Variants in CLXN observed in about 807,000 individuals in gnomAD.
CLXN encodes EF-hand calcium binding domain 1.
the CLXN span, chr8:48,730,687 AAC>A: frequency 2.6e-6 from 3 of 1,132,272 alleles, no homozygotes; most frequent in South Asian, 4.2e-5. Context: ...CCTGCATAAT[AAC>A]TCTCAGTAAA....
At chr8:48,720,682 T>C in the CLXN span, among the ~76,000 whole-genome samples, 2 of 152,180 alleles carry the variant, frequency 1.3e-5, no homozygotes, top group African/African-American at 2.4e-5. Flanking sequence ...AAGCAGGTGA[T>C]CTTTGTTAGA....
the CLXN span, among the ~76,000 whole-genome samples, chr8:48,728,362 T>C: frequency 3.9e-5 from 6 of 152,340 alleles, no homozygotes; most frequent in East Asian, 1.2e-3. Context: ...CTGACCTGGC[T>C]ATTTTGTCCT....
At chr8:48,718,160 T>G in the CLXN span, among the ~76,000 whole-genome samples, 1 of 152,096 alleles carries the variant, frequency 6.6e-6, no homozygotes, top group Non-Finnish European at 1.5e-5. Context: ...ATGCAAATGG[T>G]AACCAAAAGA....
At chr8:48,717,325 A>G in the CLXN span, among the ~76,000 whole-genome samples, 1 of 152,224 alleles carries the variant, frequency 6.6e-6, no homozygotes, top group Admixed American at 6.5e-5. Context: ...GGATAAGACT[A>G]TCAGTGGATT....
the CLXN span, among the ~76,000 whole-genome samples, chr8:48,731,065 A>G: frequency 6.6e-6 from 1 of 152,150 alleles, no homozygotes; most frequent in Non-Finnish European, 1.5e-5. Flanking sequence ...TTTTAAAACT[A>G]TTCTATTTAT....
chr8:48,720,565 G>A, the CLXN span, among the ~76,000 whole-genome samples: 8 of 152,226 alleles, frequency 5.3e-5, no homozygotes, highest in South Asian at 2.1e-4. Context: ...CTCTGCTCTC[G>A]AACCCCATTT....
chr8:48,724,728 A>C, the CLXN span: 24 of 1,598,800 alleles, frequency 1.5e-5, no homozygotes, highest in South Asian at 3.4e-5. Context: ...GAGACAATAT[A>C]GACATTTAGT....
chr8:48,710,966 C>G, the CLXN span: 1 of 152,160 alleles, frequency 6.6e-6, no homozygotes, highest in African/African-American at 2.4e-5. Context: ...TTCCTACCAA[C>G]CTATAATCAC....
chr8:48,729,982 A>T, the CLXN span: 1 of 947,578 alleles, frequency 1.1e-6, no homozygotes, highest in East Asian at 2.6e-5. Context: ...CACAGGTCTT[A>T]GTGCAGCCTG....
chr8:48,716,127 G>A, the CLXN span: 1 of 152,390 alleles, frequency 6.6e-6, no homozygotes, highest in African/African-American at 2.4e-5. Context: ...GCCCCGTGGG[G>A]AGGCAGCTGA....
chr8:48,729,154 A>C, the CLXN span: 2 of 1,597,732 alleles, frequency 1.3e-6, no homozygotes, highest in Admixed American at 1.8e-5. Context: ...ATCCTAGGGG[A>C]ATGAGAAACA....
chr8:48,731,205 T>C, the CLXN span: 1 of 798,778 alleles, frequency 1.3e-6, no homozygotes, highest in Non-Finnish European at 1.8e-6. Context: ...TTCTATGATC[T>C]TCTCAAAATT....
the CLXN span, among the ~76,000 whole-genome samples, chr8:48,718,120 G>A: frequency 1.3e-5 from 2 of 152,084 alleles, no homozygotes; most frequent in South Asian, 2.1e-4. Context: ...ACATATAGGA[G>A]GAAAGTTAAA....
the CLXN span, among the ~76,000 whole-genome samples, chr8:48,733,854 T>C: frequency 1.3e-5 from 2 of 152,154 alleles, no homozygotes; most frequent in East Asian, 1.9e-4. Context: ...ACAAAATCAG[T>C]ATTGTGTATA....
the CLXN span, chr8:48,724,458 A>G: frequency 3.9e-6 from 1 of 254,310 alleles, no homozygotes; most frequent in Non-Finnish European, 7.4e-6. Context: ...TAATGAACCC[A>G]AAGGTTTTAT....
the CLXN span, chr8:48,729,870 A>C: frequency 1.2e-6 from 2 of 1,601,122 alleles, no homozygotes; most frequent in Non-Finnish European, 1.7e-6. Flanking sequence ...CTTCAAAGCA[A>C]TCTTTTTAAG....
chr8:48,735,170 C>T, the CLXN span: 5 of 1,613,600 alleles, frequency 3.1e-6, no homozygotes, highest in East Asian at 8.9e-5. Context: ...CTCAGAGAAT[C>T]GGGCCGCGGC....
the CLXN span, chr8:48,724,699 C>T: frequency 1.3e-6 from 2 of 1,490,542 alleles, no homozygotes; most frequent in Non-Finnish European, 1.8e-6. Context: ...TATGTGTGTG[C>T]CTCCTTTTTT....
the CLXN span, chr8:48,731,299 T>C: frequency 2.6e-6 from 4 of 1,522,880 alleles, no homozygotes; most frequent in Non-Finnish European, 2.6e-6. Flanking sequence ...ACCCTTTTTT[T>C]TTCAGTTATG....
Sources: gnomAD v4.1 joint callset for allele counts (sites outside exome capture counted in the v4.1 genomes callset) on GRCh38, gnomAD v4.1.1 for gene constraint, MANE v1.5 for transcripts, NCBI Gene and HGNC (gene_info 2026-07-23, HGNC 2026-07-21) for gene names.